The following MYO5A variants were observed in gnomAD, a reference collection of about 807,000 sequenced individuals.
MYO5A encodes myosin VA, also known as unconventional myosin-Va.
Under a neutral mutation model 249.7 loss-of-function variants are expected in MYO5A, and 98 were observed. That is an observed-to-expected ratio of 0.39 (90% CI 0.33 to 0.46). The LOEUF is 0.46. Ranked by LOEUF, MYO5A falls within the 20% of genes least tolerant of loss-of-function variation. The pLI, the probability that MYO5A is intolerant of heterozygous loss-of-function variation, is 0.98. For missense variants in MYO5A, 1,696 were observed against 2,308.8 expected (o/e 0.73, Z 5.44); for synonymous variants, 778 against 810.6 (o/e 0.96, Z 0.68).
chr15:52,470,113 T>G (rs887623477), intron 1 of MYO5A, among the ~76,000 whole-genome samples: 1 of 152,240 alleles, frequency 6.6e-6, no homozygotes, highest in East Asian at 1.9e-4. Context: ...GCACCTTCAA[T>G]GGTGTAATCC....
chr15:52,340,575 C>T (rs2039331199), intron 31 of MYO5A, among the ~76,000 whole-genome samples, 181 bp from the exon 32 acceptor site: 1 of 152,208 alleles, frequency 6.6e-6, no homozygotes, highest in South Asian at 2.1e-4. Flanking sequence ...GAAACGGGTG[C>T]TCTCACATTT....
intron 1 of MYO5A, among the ~76,000 whole-genome samples, chr15:52,443,424 T>C (rs1271022301): frequency 6.6e-6 from 1 of 152,210 alleles, no homozygotes; most frequent in Admixed American, 6.5e-5. Flanking sequence ...TTACCTTGCA[T>C]ATACTGTGAA....
chr15:52,334,350 T>TA (rs2039020262), intron 34 of MYO5A, among the ~76,000 whole-genome samples: 1 of 152,192 alleles, frequency 6.6e-6, no homozygotes, highest in South Asian at 2.1e-4. Context: ...TTCAAACAAA[T>TA]ACTCTGCTGT....
At chr15:52,320,703 C>T (rs2038257509) in intron 38 of MYO5A, among the ~76,000 whole-genome samples, 1 of 152,100 alleles carries the variant, frequency 6.6e-6, no homozygotes, top group South Asian at 2.1e-4. Flanking sequence ...GAAAGTGTAG[C>T]TGGAAGTAGC....
chr15:52,340,969 G>T (rs1169594495), intron 31 of MYO5A, among the ~76,000 whole-genome samples: 1 of 150,524 alleles, frequency 6.6e-6, no homozygotes, highest in African/African-American at 2.5e-5. Flanking sequence ...AAAAAAAGAG[G>T]GTCATAGGAA....
chr15:52,337,042 G>A (rs1377375504), intron 33 of MYO5A, among the ~76,000 whole-genome samples: 1 of 152,070 alleles, frequency 6.6e-6, no homozygotes, highest in African/African-American at 2.4e-5. Flanking sequence ...TGAAACTTAA[G>A]AATAGTTCAG....
chr15:52,525,220 A>T (rs897861844), intron 1 of MYO5A, among the ~76,000 whole-genome samples: 3 of 152,258 alleles, frequency 2.0e-5, no homozygotes, highest in African/African-American at 7.2e-5. Context: ...ACATCAACAT[A>T]CTACTCTGTG....
intron 1 of MYO5A, among the ~76,000 whole-genome samples, chr15:52,496,967 CT>C (rs945141298): frequency 5.6e-4 from 84 of 150,504 alleles, no homozygotes; most frequent in Middle Eastern, 3.2e-3. Flanking sequence ...GTTGAAACAG[CT>C]TTTTTTTTCA....
At position 52,334,692 on chromosome 15, in the gene MYO5A, T is replaced by C. The variant is rs534016512; in HGVS notation, c.4408+1771A>G. Reference sequence around the variant, plus strand: ...TCAACAAACATTTATGGAATGATTATGAGATAGGTCAGACACTATGCTAGG... The same window carrying C: ...TCAACAAACATTTATGGAATGATTACGAGATAGGTCAGACACTATGCTAGG... On this transcript the variant is annotated intron_variant, in intron 34 of 41. Coordinates refer to ENST00000399233, the MANE Select transcript of MYO5A (RefSeq NM_001382347.1). Among the ~76,000 whole-genome samples the C allele has an allele frequency of 4.3e-4, 66 of 152,340 alleles. No homozygotes were observed. The South Asian group carries it at 0.013, about 30-fold the overall frequency.
At chr15:52,447,891 T>C (rs1042607586) in intron 1 of MYO5A, among the ~76,000 whole-genome samples, 1 of 152,218 alleles carries the variant, frequency 6.6e-6, no homozygotes, top group Non-Finnish European at 1.5e-5. Context: ...AGAATCAATC[T>C]GGCTAGATTT....
intron 1 of MYO5A, among the ~76,000 whole-genome samples, chr15:52,457,165 G>T (rs560230208): frequency 1.3e-5 from 2 of 152,260 alleles, no homozygotes; most frequent in South Asian, 4.1e-4. Context: ...AAAGGGGCTT[G>T]GTGTGGTGGC....
intron 40 of MYO5A, among the ~76,000 whole-genome samples, chr15:52,315,054 A>G (rs2037931729): frequency 6.6e-6 from 1 of 152,228 alleles, no homozygotes; most frequent in Non-Finnish European, 1.5e-5. Flanking sequence ...TGAATTAGGG[A>G]TCAGTCTCTC....
intron 1 of MYO5A, among the ~76,000 whole-genome samples, chr15:52,434,813 C>G (rs891319049): frequency 6.6e-6 from 1 of 151,698 alleles, no homozygotes; most frequent in Non-Finnish European, 1.5e-5. Context: ...AACAGGAATC[C>G]TAGATTCAGC....
rs1274300779 is a variant in MYO5A at position 52,319,357 on chromosome 15, C to T, written c.4952-15G>A. The T allele has an allele frequency of 3.1e-6, 5 of 1,613,142 alleles. No homozygotes were observed. Among genetic ancestry groups the T allele is most frequent in the Non-Finnish European group, 3.4e-6 (4 of 1,179,456 alleles). ...CATGCCTGAGACTGCAGGAGTATTT[C>T]AATTGTTAGAGGAGATGATGTGGAA... On this transcript the variant is annotated splice_polypyrimidine_tract_variant and intron_variant, in intron 38 of 41. Coordinates refer to ENST00000399233, the MANE Select transcript of MYO5A (RefSeq NM_001382347.1).
At chr15:52,431,687 A>T (rs2075541530) in intron 2 of MYO5A, among the ~76,000 whole-genome samples, 2 of 136,396 alleles carry the variant, frequency 1.5e-5, no homozygotes, top group South Asian at 4.4e-4. Flanking sequence ...CTATATCTAA[A>T]AAAAAAAAAA....
At chr15:52,354,127 A>G in intron 25 of MYO5A, 113 bp from the exon 26 acceptor site, 2 of 1,224,638 alleles carry the variant, frequency 1.6e-6, no homozygotes, top group Non-Finnish European at 2.3e-6. Context: ...AATAAGAAAT[A>G]CAAACATCTA....
intron 38 of MYO5A, 70 bp from the exon 39 acceptor site, chr15:52,319,412 G>T: frequency 6.7e-7 from 1 of 1,502,580 alleles, no homozygotes; most frequent in Non-Finnish European, 9.2e-7. Flanking sequence ...ATATCCATGT[G>T]CACAAACACA....
Position 52,433,276 on chromosome 15 carries a change from C to T in MYO5A, c.37G>A (p.Val13Ile), listed in dbSNP as rs1401011577. 1.2e-6 allele frequency: 2 copies of T among 1,612,194 alleles called. No homozygotes were observed. The highest frequency in any genetic ancestry group is 2.7e-5 in the African/African-American group (2 of 74,804). The change falls in exon 2 of 42, where the codon GTT becomes ATT. Residue 13 changes from valine (V) to isoleucine (I), a missense_variant. Around this residue, in one of 5 missense-constraint regions of MYO5A, gnomAD observed 197 missense variants for 320.3 expected, o/e 0.62. Coordinates refer to ENST00000399233, the MANE Select transcript of MYO5A (RefSeq NM_001382347.1). ...ACTTCCTCTGGATCAGGTATCCAAA[C>T]CCTGGCAAACTAGAAGACAAAAAGA... Reference protein sequence around the residue: ...ASELYTKFARVWIPDPEEVWK... With the variant: ...ASELYTKFARIWIPDPEEVWK...
chr15:52,502,396 G>A (rs909426987), intron 1 of MYO5A, among the ~76,000 whole-genome samples: 3 of 152,158 alleles, frequency 2.0e-5, no homozygotes, highest in African/African-American at 4.8e-5. Context: ...GAACAACAGA[G>A]AGTAGAGACA....
Sources: allele counts gnomAD v4.1 joint callset (sites outside exome capture counted in the v4.1 genomes callset), GRCh38; gene constraint gnomAD v4.1.1; regional missense constraint gnomAD v4.1.1; transcripts MANE v1.5; gene names NCBI Gene and HGNC (gene_info 2026-07-23, HGNC 2026-07-21).